ATOSA: variants seen among roughly 807,000 people sequenced by gnomAD.
ATOSA encodes atos homolog protein A.
the ATOSA span, chr15:52,679,100 G>GGACCCGAGACGACC: frequency 1.3e-5 from 2 of 152,800 alleles, no homozygotes; most frequent in African/African-American, 4.8e-5. Context: ...GTGACCGTGG[G>GGACCCGAGACGACC]GACCCGAGAC....
the ATOSA span, chr15:52,585,080 A>G: frequency 1.6e-6 from 1 of 608,526 alleles, no homozygotes; most frequent in East Asian, 3.0e-5. Flanking sequence ...TCAAGGACTA[A>G]AATTAACACA....
chr15:52,649,012 T>C, the ATOSA span, among the ~76,000 whole-genome samples: 37 of 152,282 alleles, frequency 2.4e-4, 2 homozygotes, highest in South Asian at 7.7e-3. Context: ...CAAAGGATTA[T>C]ATAATAGATT....
the ATOSA span, among the ~76,000 whole-genome samples, chr15:52,668,227 A>G: frequency 2.6e-5 from 4 of 152,254 alleles, no homozygotes; most frequent in African/African-American, 9.6e-5. Flanking sequence ...TAGAGCCACA[A>G]AAGGAATAAA....
chr15:52,705,146 C>T, the ATOSA span, among the ~76,000 whole-genome samples: 2 of 152,170 alleles, frequency 1.3e-5, no homozygotes, highest in African/African-American at 2.4e-5. Context: ...AAATATGGCA[C>T]ATATACACCA....
At chr15:52,589,587 A>T in the ATOSA span, among the ~76,000 whole-genome samples, 1 of 152,208 alleles carries the variant, frequency 6.6e-6, no homozygotes, top group Admixed American at 6.5e-5. Flanking sequence ...TGAAGGCAAC[A>T]ATTTAAAACA....
At chr15:52,653,223 G>A in the ATOSA span, among the ~76,000 whole-genome samples, 1 of 152,068 alleles carries the variant, frequency 6.6e-6, no homozygotes, top group Non-Finnish European at 1.5e-5. Context: ...GAGTCTGATG[G>A]AAGTGTTGGA....
At chr15:52,675,357 C>G in the ATOSA span, among the ~76,000 whole-genome samples, 8 of 152,124 alleles carry the variant, frequency 5.3e-5, no homozygotes, top group Admixed American at 4.6e-4. Flanking sequence ...CCCACACCTT[C>G]CATAAAAACA....
chr15:52,586,347 T>C, the ATOSA span: 5 of 152,322 alleles, frequency 3.3e-5, no homozygotes, highest in African/African-American at 7.2e-5. Context: ...CCTTGCAGTA[T>C]TGGAACAATG....
the ATOSA span, among the ~76,000 whole-genome samples, chr15:52,597,069 C>T: frequency 7.9e-5 from 12 of 152,168 alleles, no homozygotes; most frequent in South Asian, 2.1e-4. Flanking sequence ...AACTCTCATA[C>T]GATGCTGATG....
At chr15:52,602,740 C>T in the ATOSA span, among the ~76,000 whole-genome samples, 13 of 152,106 alleles carry the variant, frequency 8.5e-5, no homozygotes, top group Non-Finnish European at 1.9e-4. Context: ...TACATTTTCC[C>T]CCTCTCTCAT....
the ATOSA span, among the ~76,000 whole-genome samples, chr15:52,683,758 T>A: frequency 6.6e-6 from 1 of 152,248 alleles, no homozygotes; most frequent in South Asian, 2.1e-4. Flanking sequence ...CTAGTGAGCA[T>A]GACTTGAGAG....
the ATOSA span, among the ~76,000 whole-genome samples, chr15:52,702,605 T>C: frequency 4.3e-4 from 66 of 152,032 alleles, 1 homozygote; most frequent in African/African-American, 1.5e-3. Flanking sequence ...TGGGAACTAC[T>C]GGGGGCAGGG....
the ATOSA span, among the ~76,000 whole-genome samples, chr15:52,655,145 C>G: frequency 6.6e-6 from 1 of 152,038 alleles, no homozygotes; most frequent in African/African-American, 2.4e-5. Flanking sequence ...ATATATGTGC[C>G]CTTAACCACT....
chr15:52,694,171 T>G, the ATOSA span, among the ~76,000 whole-genome samples: 2 of 84,418 alleles, frequency 2.4e-5, no homozygotes, highest in African/African-American at 5.8e-5. Context: ...TATATATATT[T>G]TTTTTTTTTT....
the ATOSA span, among the ~76,000 whole-genome samples, chr15:52,589,874 G>A: frequency 3.3e-5 from 5 of 151,326 alleles, no homozygotes; most frequent in Non-Finnish European, 5.9e-5. Flanking sequence ...TGCAACCTCT[G>A]CCTCCTGGGT....
the ATOSA span, among the ~76,000 whole-genome samples, chr15:52,705,867 C>G: frequency 6.6e-6 from 1 of 152,066 alleles, no homozygotes. Flanking sequence ...TTATATGATT[C>G]TTTTTACTCT....
chr15:52,682,007 CT>C, the ATOSA span, among the ~76,000 whole-genome samples: 1 of 152,178 alleles, frequency 6.6e-6, no homozygotes, highest in Admixed American at 6.5e-5. Flanking sequence ...ATCCCTAGCA[CT>C]TAGTAAAGAA....
the ATOSA span, among the ~76,000 whole-genome samples, chr15:52,643,257 C>T: frequency 7.9e-5 from 12 of 152,216 alleles, no homozygotes; most frequent in South Asian, 6.2e-4. Flanking sequence ...AACGGTGGTT[C>T]CCAAAAATTA....
the ATOSA span, among the ~76,000 whole-genome samples, chr15:52,671,641 G>T: frequency 6.6e-6 from 1 of 152,054 alleles, no homozygotes; most frequent in African/African-American, 2.4e-5. Flanking sequence ...CTCAGACAAA[G>T]AATAACAAGG....
Sources: gnomAD v4.1 joint callset for allele counts (sites outside exome capture counted in the v4.1 genomes callset) on GRCh38, gnomAD v4.1.1 for gene constraint, MANE v1.5 for transcripts, NCBI Gene and HGNC (gene_info 2026-07-23, HGNC 2026-07-21) for gene names.